Variants in DNM2 observed in about 807,000 individuals in gnomAD.
The protein encoded by DNM2 is dynamin-2.
In DNM2, 15 loss-of-function variants were observed where a neutral mutation model predicts 99.0. That is an observed-to-expected ratio of 0.15 (90% confidence interval 0.10 to 0.23). The LOEUF is 0.23. DNM2 is among the 10% of genes least tolerant of loss of function. The pLI is 1.00. For synonymous variants in DNM2, 525 were observed against 481.2 expected, an observed-to-expected ratio of 1.09 and a Z score of -1.19; for missense variants, 742 against 1,189.4, an observed-to-expected ratio of 0.62 and a Z score of 5.53.
At chr19:10,742,625 CCTGT>C (rs2069795766) in intron 1 of DNM2, among the ~76,000 whole-genome samples, 1 of 152,200 alleles carries the variant, frequency 6.6e-6, no homozygotes, top group South Asian at 2.1e-4. Context: ...GCCTGGCCTT[CCTGT>C]CTCTGGAGTC....
chr19:10,735,909 C>T (rs1317690993), intron 1 of DNM2, among the ~76,000 whole-genome samples: 1 of 152,148 alleles, frequency 6.6e-6, no homozygotes, highest in Non-Finnish European at 1.5e-5. Context: ...CCTGAACTGT[C>T]TGTTCTGTGA....
intron 11 of DNM2, among the ~76,000 whole-genome samples, chr19:10,799,916 G>C (rs1162844649): frequency 6.6e-6 from 1 of 152,010 alleles, no homozygotes; most frequent in East Asian, 1.9e-4. Flanking sequence ...CCCCTCAGCT[G>C]AGACTGTCAC....
At chr19:10,813,285 G>GGGCA (rs1358882228) in intron 15 of DNM2, among the ~76,000 whole-genome samples, 3 of 152,178 alleles carry the variant, frequency 2.0e-5, no homozygotes, top group African/African-American at 7.2e-5. Context: ...GCGAGTGAGG[G>GGGCA]GGCAGGCCTT....
chr19:10,766,411 TC>T (rs962811289), intron 2 of DNM2, among the ~76,000 whole-genome samples: 1 of 152,024 alleles, frequency 6.6e-6, no homozygotes, highest in African/African-American at 2.4e-5. Context: ...CTTCTTCATG[TC>T]CCAGGCCCCC....
rs1568265508 is a variant in DNM2 at position 10,729,189 on chromosome 19, A to AAAT, written c.161+10787_161+10788insATA. On this transcript the variant is annotated intron_variant, in intron 1 of 20. Coordinates refer to ENST00000389253, the MANE Select transcript of DNM2 (RefSeq NM_001005361.3). Reference sequence around the variant, plus strand: ...CAAAAAAAAAAAAAAAAAAAAAAAAAATATAAAAAATTAGCCAAGCATGGT... The same window carrying AAAT: ...CAAAAAAAAAAAAAAAAAAAAAAAAAAATATATAAAAAATTAGCCAAGCATGGT... Among the ~76,000 whole-genome samples, 101 of 145,960 alleles carry AAAT rather than the reference A, an allele frequency of 6.9e-4. 2 individuals are homozygous for AAAT. Among genetic ancestry groups the AAAT allele is most frequent in the East Asian group, 4.2e-3 (21 of 4,958 alleles).
Position 10,812,241 on chromosome 19 carries a change from C to T in DNM2, c.1558-23C>T, listed in dbSNP as rs1013798392. 6.4e-7 allele frequency: 1 copy of T among 1,567,490 alleles called. No individual in the cohort carries two copies. The highest frequency in any genetic ancestry group is 1.4e-5 in the African/African-American group (1 of 73,786). ...CTGGGGCACGGAGCGAGGTTCCCTG[C>T]TAAGCTGCGCGCTTTCCCCCAGGTG... is the stretch of plus-strand genomic sequence containing the variant. On this transcript the variant is annotated intron_variant, in intron 14 of 20. Transcript: ENST00000389253. The surrounding 1 kb of genome is among the most constrained non-coding windows in gnomAD (Gnocchi z 4.0).
chr19:10,742,497 T>C (rs1328347932), intron 1 of DNM2, among the ~76,000 whole-genome samples: 2 of 152,166 alleles, frequency 1.3e-5, no homozygotes, highest in Non-Finnish European at 2.9e-5. Context: ...ATAGAGAAAC[T>C]GAGGGCTGGG....
chr19:10,743,809 CAAAAA>C (rs35999203), intron 1 of DNM2, among the ~76,000 whole-genome samples: 6 of 32,626 alleles, frequency 1.8e-4, no homozygotes, highest in African/African-American at 8.9e-4. Flanking sequence ...GACTCTGTCT[CAAAAA>C]AAAAAAAAAA....
chr19:10,795,769 G>A lies in DNM2; in HGVS notation c.1196+330G>A, dbSNP rs2146024570. On this transcript the variant is annotated intron_variant, in intron 9 of 20. Coordinates refer to ENST00000389253, the MANE Select transcript of DNM2 (RefSeq NM_001005361.3). The surrounding 1 kb of genome is among the most constrained non-coding windows in gnomAD (Gnocchi z 4.2). ...GCCTGGGGAGGGGCGGGGCGGCACT[G>A]AATCAGGGTTTTGGGAAGCCAGCAT... 1.7e-6 allele frequency: 1 copy of A among 587,310 alleles called. No individual in the cohort carries two copies. The highest frequency in any genetic ancestry group is 2.0e-5 in the South Asian group (1 of 50,464). The allele number at this position is 587,310 out of a possible 1,614,324, so 36.4% of individuals were successfully genotyped here. A position where few individuals can be genotyped will look rare whatever the true frequency, so the allele number is the denominator to read the frequency against.
At chr19:10,732,285 TTA>T (rs1377347300) in intron 1 of DNM2, among the ~76,000 whole-genome samples, 1 of 144,010 alleles carries the variant, frequency 6.9e-6, no homozygotes, top group Non-Finnish European at 1.5e-5. Context: ...ATTCAACTGT[TTA>T]CTCGTTGTGG....
At chr19:10,805,864 C>T (rs548069649) in intron 12 of DNM2, 52 bp from the exon 13 acceptor site, 3 of 1,613,306 alleles carry the variant, frequency 1.9e-6, no homozygotes, top group East Asian at 4.5e-5. Flanking sequence ...TCTTCCCCTT[C>T]TTCCCCCCCG....
rs745806484 is a variant in DNM2 at position 10,830,436 on chromosome 19, T to C, written c.2543+58T>C. 1.3e-6 allele frequency: 2 copies of C among 1,575,374 alleles called. No individual in the cohort carries two copies. The highest frequency in any genetic ancestry group is 1.7e-6 in the Non-Finnish European group (2 of 1,159,448). On this transcript the variant is annotated intron_variant, in intron 20 of 20. Transcript: ENST00000389253. The surrounding 1 kb of genome is among the most constrained non-coding windows in gnomAD (Gnocchi z 4.8). ...GCCTGCACCCTGGGGTCTCTCCTCC[T>C]GTCTCACTTCCTCCCAGTGAGCTCT...
At chr19:10,794,972 T>G (rs1228962837) in intron 8 of DNM2, among the ~76,000 whole-genome samples, 1 of 152,078 alleles carries the variant, frequency 6.6e-6, no homozygotes, top group Non-Finnish European at 1.5e-5. Context: ...CAGGCTGGAG[T>G]GCAGTGGTGC....
At chr19:10,756,824 C>T (rs1175866827) in intron 1 of DNM2, among the ~76,000 whole-genome samples, 1 of 152,062 alleles carries the variant, frequency 6.6e-6, no homozygotes, top group African/African-American at 2.4e-5. Context: ...TGGAATCTGC[C>T]TACGGCCTGT....
Position 10,718,200 on chromosome 19 carries a change from G to A in DNM2, c.-43G>A, listed in dbSNP as rs2145637244. The A allele has an allele frequency of 4.3e-6, 6 of 1,401,248 alleles. No homozygotes were observed. Among genetic ancestry groups the A allele is most frequent in the Non-Finnish European group, 5.6e-6 (6 of 1,074,866 alleles). 86.8% of individuals were successfully genotyped at this position (1,401,248 alleles called of 1,614,324 possible). On this transcript the variant is annotated 5_prime_UTR_variant, in exon 1 of 21. Transcript: ENST00000389253. ...GGCCAGGTCGTTGAGGGTCGGCGGCGGGCGAGGAGCGCAGGGCGCTCGGGC... is the reference window on the plus strand; with the variant it reads ...GGCCAGGTCGTTGAGGGTCGGCGGCAGGCGAGGAGCGCAGGGCGCTCGGGC...
In DNM2 at chr19:10,718,401, C is replaced by A; in HGVS notation, c.159C>A (p.Gly53=). ...GCTCGGTGCTGGAGAACTTCGTGGG[C>A]CGGTGAGCGGGCGCGGCAGGGATCG... ...GKSSVLENFV[G]RDFLPRGSGI... The change falls in exon 1 of 21, where the codon GGC becomes GGA. Residue 53 remains glycine (G), a splice_region_variant and synonymous_variant. Coordinates refer to ENST00000389253, the MANE Select transcript of DNM2 (RefSeq NM_001005361.3). 6.8e-7 allele frequency: 1 copy of A among 1,471,328 alleles called. No homozygotes were observed. The highest frequency in any genetic ancestry group is 2.3e-5 in the Admixed American group (1 of 43,080). The allele number at this position is 1,471,328 out of a possible 1,614,324, so 91.1% of individuals were successfully genotyped here.
At chr19:10,822,192 T>C (rs1599624516) in intron 16 of DNM2, among the ~76,000 whole-genome samples, 3 of 150,804 alleles carry the variant, frequency 2.0e-5, no homozygotes, top group East Asian at 1.9e-4. Flanking sequence ...TTTTTCTTTT[T>C]TTTTTTTTTT....
Position 10,816,121 on chromosome 19 carries a change from G to A in DNM2, c.1671+3744G>A, listed in dbSNP as rs567661100. 6.8e-4 allele frequency among the ~76,000 whole-genome samples: 103 copies of A among 152,192 alleles called. No individual in the cohort carries two copies. The highest frequency in any genetic ancestry group is 2.5e-3 in the African/African-American group (102 of 41,534). On this transcript the variant is annotated intron_variant, in intron 15 of 20. Coordinates refer to ENST00000389253, the MANE Select transcript of DNM2 (RefSeq NM_001005361.3). The surrounding 1 kb of genome is among the most constrained non-coding windows in gnomAD (Gnocchi z 4.6). The stretch of plus-strand genomic sequence containing the variant: ...GCCCCACATCATGGAGCGGGGGAGG[G>A]TCCCCCTGGGGTGGAGGCTTCCCCA...
rs1599583116 is a variant in DNM2, at chr19:10,802,280, T to C, written c.1423-8T>C. ...CTTGTACTCACAGTGACCCCCGCTC[T>C]CCCCCAGATTCTTCTGCTGATCGAC... On this transcript the variant is annotated splice_region_variant and splice_polypyrimidine_tract_variant and intron_variant, in intron 11 of 20. Transcript: ENST00000389253. 1 of 1,614,036 alleles carries C rather than the reference T, an allele frequency of 6.2e-7. No individual in the cohort carries two copies. The highest frequency in any genetic ancestry group is 8.5e-7 in the Non-Finnish European group (1 of 1,179,992).
Sources: gnomAD v4.1 joint callset for allele counts (sites outside exome capture counted in the v4.1 genomes callset) on GRCh38, gnomAD v4.1.1 for gene constraint, Gnocchi (gnomAD v3.1) non-coding constraint, MANE v1.5 for transcripts, NCBI Gene and HGNC (gene_info 2026-07-23, HGNC 2026-07-21) for gene names.